RNF128: variants seen among roughly 807,000 people sequenced by gnomAD.
RNF128 encodes E3 ubiquitin-protein ligase RNF128.
A neutral mutation model predicts 26.2 loss-of-function variants in RNF128; 13 were observed. That is an observed-to-expected ratio of 0.50 (90% CI 0.32 to 0.79). The LOEUF (loss-of-function observed/expected upper bound fraction) is 0.79, where lower values mean the gene tolerates loss of function less well. Ranked by LOEUF, RNF128 falls within the 30% of genes least tolerant of loss-of-function variation. The pLI is 0.03. For missense variants in RNF128, 315 were observed against 349.7 expected (o/e 0.90, Z 0.79); for synonymous variants, 149 against 142.5 (o/e 1.05, Z -0.32).
In RNF128 at chrX:106,788,011, T is replaced by G; in HGVS notation, c.887+11T>G. The stretch of plus-strand genomic sequence containing the variant: ...CATCTTAACGTGCAAGTAAGTTTGA[T>G]TTTCTTCTATATCTTCAATAAAATA... On this transcript the variant is annotated intron_variant, in intron 4 of 6. Transcript: ENST00000255499. The G allele has an allele frequency of 9.4e-7, 1 of 1,060,599 alleles. No homozygotes were observed. Among genetic ancestry groups the G allele is most frequent in the Non-Finnish European group, 1.3e-6 (1 of 788,869 alleles). 87.4% of individuals were successfully genotyped at this position (1,060,599 alleles called of 1,213,427 possible).
intron 1 of RNF128, among the ~76,000 whole-genome samples, chrX:106,764,123 C>T (rs751473247): frequency 1.2e-4 from 13 of 109,028 alleles, no homozygotes; most frequent in Middle Eastern, 4.8e-3. Flanking sequence ...CCACCACGCC[C>T]GACTAATTTT....
At chrX:106,751,108 G>A (rs1929876800) in intron 1 of RNF128, among the ~76,000 whole-genome samples, 1 of 111,532 alleles carries the variant, frequency 9.0e-6, no homozygotes, top group Non-Finnish European at 1.9e-5. Context: ...AAGCATCTTT[G>A]TAAGAATCAA....
chrX:106,761,166 G>A (rs1393537177), intron 1 of RNF128, among the ~76,000 whole-genome samples: 1 of 111,783 alleles, frequency 8.9e-6, no homozygotes, highest in African/African-American at 3.2e-5. Flanking sequence ...TGAAACATAT[G>A]AAAAATTACT....
chrX:106,697,290 G>T (rs1327873533), intron 1 of RNF128, among the ~76,000 whole-genome samples: 2 of 111,778 alleles, frequency 1.8e-5, no homozygotes, highest in Non-Finnish European at 3.8e-5. Context: ...TTTTTGTGGC[G>T]AGGACACTGT....
In RNF128 at chrX:106,727,000, G is replaced by A. The variant is rs1929411512; in HGVS notation, c.87G>A (p.Leu29=). The part of the protein sequence containing the change: ...RLLAWCFLLA[L]SPQAPGSRGA... ...TGGCATGGTGCTTCCTGCTGGCCCT[G>A]AGTCCGCAGGCACCCGGTTCCCGGG... is the stretch of plus-strand genomic sequence containing the variant. Residue 29 remains leucine, a synonymous_variant, in exon 1 of 7, where the codon CTG becomes CTA. Transcript: ENST00000255499. 8.3e-7 allele frequency: 1 copy of A among 1,203,750 alleles called. No individual in the cohort carries two copies. Among genetic ancestry groups the A allele is most frequent in the South Asian group, 1.8e-5 (1 of 55,455 alleles).
At chrX:106,709,334 A>G (rs1322912348) in intron 1 of RNF128, among the ~76,000 whole-genome samples, 3 of 111,518 alleles carry the variant, frequency 2.7e-5, no homozygotes, top group Non-Finnish European at 5.6e-5. Context: ...TCCACAGCCC[A>G]TTAATCCTTA....
chrX:106,734,667 C>T (rs1448244159), intron 1 of RNF128, among the ~76,000 whole-genome samples: 2 of 111,805 alleles, frequency 1.8e-5, no homozygotes, highest in African/African-American at 3.3e-5. Flanking sequence ...TTTAGCTCAG[C>T]GAAATTTCAC....
chrX:106,755,437 CCAGA>C lies in RNF128; in HGVS notation c.485-17473_485-17470del, dbSNP rs1237654871. The stretch of plus-strand genomic sequence containing the variant: ...GGCCAGTATTACCCTGATACCAAAA[CCAGA>C]CAAAGACATATCGAAAAAAAAAAGG... On this transcript the variant is annotated intron_variant, in intron 1 of 6. Coordinates refer to ENST00000255499, the MANE Select transcript of RNF128 (RefSeq NM_194463.2). Among the ~76,000 whole-genome samples the C allele has an allele frequency of 3.6e-5, 4 of 110,784 alleles. No individual in the cohort carries two copies. The East Asian group carries it at 1.1e-3, about 31-fold the overall frequency.
At chrX:106,789,538 T>TTATACAC (rs1245497698) in intron 4 of RNF128, among the ~76,000 whole-genome samples, 32 of 13,329 alleles carry the variant, frequency 2.4e-3, no homozygotes, top group Non-Finnish European at 3.8e-3. Context: ...ACTATATACA[T>TTATACAC]TATATATAAT....
At chrX:106,706,268 G>A (rs1410892016) in intron 1 of RNF128, among the ~76,000 whole-genome samples, 1 of 111,283 alleles carries the variant, frequency 9.0e-6, no homozygotes, top group Non-Finnish European at 1.9e-5. Flanking sequence ...TTTCCAAATT[G>A]GGAATAAAAG....
intron 1 of RNF128, among the ~76,000 whole-genome samples, chrX:106,737,540 T>C (rs762581901): frequency 1.8e-5 from 2 of 111,990 alleles, no homozygotes; most frequent in East Asian, 5.6e-4. Context: ...AATAGCATTG[T>C]TTAGGGAATA....
intron 1 of RNF128, among the ~76,000 whole-genome samples, chrX:106,732,997 C>T (rs776693863): frequency 1.8e-5 from 2 of 111,098 alleles, no homozygotes; most frequent in African/African-American, 6.5e-5. Context: ...TGAGGAGGAA[C>T]AATATTTGGG....
chrX:106,767,050 G>C (rs1331846853), intron 1 of RNF128, among the ~76,000 whole-genome samples: 1 of 110,882 alleles, frequency 9.0e-6, no homozygotes, highest in East Asian at 2.8e-4. Flanking sequence ...ATTTCTGAGG[G>C]CTCTATTCTG....
At chrX:106,735,661 C>T (rs1197560297) in intron 1 of RNF128, among the ~76,000 whole-genome samples, 1 of 111,703 alleles carries the variant, frequency 9.0e-6, no homozygotes, top group East Asian at 2.8e-4. Flanking sequence ...ATAGTGACAA[C>T]AGGAACAAAG....
chrX:106,743,778 A>C (rs987450072), intron 1 of RNF128, among the ~76,000 whole-genome samples: 1 of 111,911 alleles, frequency 8.9e-6, no homozygotes, highest in African/African-American at 3.3e-5. Context: ...ATTATAAATC[A>C]TGCTGCTATA....
intron 1 of RNF128, among the ~76,000 whole-genome samples, chrX:106,761,604 AAAG>A (rs1930121691): frequency 9.0e-6 from 1 of 111,336 alleles, no homozygotes; most frequent in African/African-American, 3.3e-5. Flanking sequence ...AGCCATAAAA[AAAG>A]AATGAGATCA....
intron 1 of RNF128, among the ~76,000 whole-genome samples, chrX:106,696,329 A>T (rs1179707727): frequency 9.0e-6 from 1 of 111,243 alleles, no homozygotes; most frequent in South Asian, 3.8e-4. Context: ...AGACCTGCCA[A>T]ATAGTGTGCC....
chrX:106,693,922 C>T (rs1210794878), exon 1 of RNF128: 3 of 905,912 alleles, frequency 3.3e-6, no homozygotes, highest in African/African-American at 4.0e-5. Context: ...TTCTGTTCAG[C>T]AGGGACGTGA....
intron 4 of RNF128, among the ~76,000 whole-genome samples, chrX:106,789,961 A>T (rs1342266531): frequency 9.2e-6 from 1 of 108,918 alleles, no homozygotes; most frequent in Non-Finnish European, 1.9e-5. Context: ...TACTGAAAAT[A>T]TTTTTTTTTG....
Sources: allele counts gnomAD v4.1 joint callset (sites outside exome capture counted in the v4.1 genomes callset), GRCh38; gene constraint gnomAD v4.1.1; transcripts MANE v1.5; gene names NCBI Gene and HGNC (gene_info 2026-07-23, HGNC 2026-07-21).